PCDH15: variants seen among roughly 807,000 people sequenced by gnomAD.
PCDH15 encodes protocadherin related 15.
PCDH15 carries 129 observed loss-of-function variants against 178.5 expected under a neutral mutation model. That is an observed-to-expected ratio of 0.72 (90% confidence interval 0.63 to 0.84). PCDH15 has a LOEUF of 0.84. Among genes scored for constraint, PCDH15 ranks in the 40% least tolerant of loss-of-function variants. The pLI is 0.00. For missense variants in PCDH15, 2,230 were observed against 2,099.9 expected, an observed-to-expected ratio of 1.06 and a Z score of -1.21; for synonymous variants, 800 against 732.0, an observed-to-expected ratio of 1.09 and a Z score of -1.50.
intron 2 of PCDH15, among the ~76,000 whole-genome samples, chr10:54,906,672 A>G (rs960006035): frequency 5.9e-5 from 9 of 152,086 alleles, no homozygotes; most frequent in African/African-American, 2.2e-4. Flanking sequence ...TGGAGGAGAG[A>G]GAGTGCCCAA....
At chr10:54,369,064 A>G (rs543722696) in intron 5 of PCDH15, 56 bp downstream of exon 5, 71 of 1,557,156 alleles carry the variant, frequency 4.6e-5, no homozygotes, top group Non-Finnish European at 6.0e-5. Flanking sequence ...TTTATTGTAT[A>G]TAGTTAGATA....
intron 13 of PCDH15, among the ~76,000 whole-genome samples, chr10:54,180,929 C>T (rs1162613338): frequency 2.6e-5 from 4 of 152,080 alleles, no homozygotes; most frequent in Admixed American, 2.6e-4. Context: ...CAAAGAGATA[C>T]ATAAGGGAAA....
intron 3 of PCDH15, among the ~76,000 whole-genome samples, chr10:54,510,506 G>A (rs1695938431): frequency 6.6e-6 from 1 of 152,116 alleles, no homozygotes; most frequent in Non-Finnish European, 1.5e-5. Flanking sequence ...ACCATTTGTA[G>A]GAGATCAAGT....
intron 2 of PCDH15, among the ~76,000 whole-genome samples, chr10:55,539,751 A>G (rs1194312603): frequency 6.6e-6 from 1 of 152,154 alleles, no homozygotes; most frequent in Non-Finnish European, 1.5e-5. Flanking sequence ...ATTGTATTAA[A>G]AATGTATTTT....
rs564665870 is a variant in PCDH15 at position 54,360,977 on chromosome 10, T to C, written c.474+8143A>G. On this transcript the variant is annotated intron_variant, in intron 5 of 37. Coordinates refer to ENST00000644397, the MANE Select transcript of PCDH15 (RefSeq NM_001384140.1). ...TTCATTTTGTTTGGTTATACCACTA[T>C]GTTAACCATTTATTTTTCTTATTTC... Among the ~76,000 whole-genome samples, 15 of 152,284 alleles carry C rather than the reference T, an allele frequency of 9.9e-5. No individual in the cohort carries two copies. In the South Asian group the frequency reaches 3.1e-3, roughly 32 times the overall value.
intron 3 of PCDH15, among the ~76,000 whole-genome samples, chr10:54,860,554 G>A (rs769866640): frequency 2.6e-5 from 4 of 152,070 alleles, no homozygotes; most frequent in Non-Finnish European, 5.9e-5. Context: ...ATCCACCTCT[G>A]ATGGGCACCT....
intron 2 of PCDH15, among the ~76,000 whole-genome samples, chr10:54,657,035 A>G (rs193222280): frequency 3.3e-5 from 5 of 152,240 alleles, no homozygotes; most frequent in East Asian, 1.9e-4. Context: ...CTCCCCTTCT[A>G]TACAAAGAAA....
chr10:55,182,015 C>A (rs186859636), intron 1 of PCDH15, among the ~76,000 whole-genome samples: 1 of 151,896 alleles, frequency 6.6e-6, no homozygotes, highest in East Asian at 1.9e-4. Flanking sequence ...GGAGAAGATC[C>A]AGGGTTTCAA....
intron 1 of PCDH15, among the ~76,000 whole-genome samples, chr10:54,693,974 G>A (rs2095175957): frequency 6.6e-6 from 1 of 152,024 alleles, no homozygotes; most frequent in African/African-American, 2.4e-5. Flanking sequence ...ATCCAACTAG[G>A]CCTAGGTTTG....
chr10:55,362,690 A>G (rs1398494366), intron 2 of PCDH15, among the ~76,000 whole-genome samples: 1 of 152,000 alleles, frequency 6.6e-6, no homozygotes, highest in African/African-American at 2.4e-5. Flanking sequence ...GTTTAGGTCT[A>G]TGCGATTTTC....
At chr10:55,466,549 A>G (rs1388351341) in intron 2 of PCDH15, among the ~76,000 whole-genome samples, 3 of 152,204 alleles carry the variant, frequency 2.0e-5, no homozygotes, top group African/African-American at 2.4e-5. Flanking sequence ...GGAAATGTGT[A>G]AAATTTGTAA....
chr10:53,940,182 GCTAT>G (rs57910862), intron 24 of PCDH15, among the ~76,000 whole-genome samples: 10,928 of 152,006 alleles, frequency 0.072, 510 homozygotes, highest in Middle Eastern at 0.2. Flanking sequence ...AATATACTAG[GCTAT>G]CTAACATACC....
chr10:53,877,532 G>A (rs1378182305), intron 26 of PCDH15, among the ~76,000 whole-genome samples: 2 of 152,024 alleles, frequency 1.3e-5, no homozygotes, highest in Non-Finnish European at 2.9e-5. Context: ...AGCATTCAAA[G>A]CAAATTAAAT....
rs1368408872 is a variant in PCDH15, at chr10:53,831,551, T to C, written c.3984-18A>G. 6 of 1,526,098 alleles carry C rather than the reference T, an allele frequency of 3.9e-6. No homozygotes were observed. The African/African-American group carries it at 5.5e-5, about 14-fold the overall frequency. 94.5% of individuals were successfully genotyped at this position (1,526,098 alleles called of 1,614,324 possible). On this transcript the variant is annotated intron_variant, in intron 29 of 37. Coordinates refer to ENST00000644397, the MANE Select transcript of PCDH15 (RefSeq NM_001384140.1). Reference sequence around the variant, plus strand: ...CCAAAAATCTTTATTGTTAGATAAATAGTAAAATTAATGATGCTAGCAGAG... The same window carrying C: ...CCAAAAATCTTTATTGTTAGATAAACAGTAAAATTAATGATGCTAGCAGAG...
chr10:55,104,328 C>T (rs1033130978), intron 2 of PCDH15, among the ~76,000 whole-genome samples: 1 of 152,092 alleles, frequency 6.6e-6, no homozygotes, highest in Non-Finnish European at 1.5e-5. Context: ...GAAGCTGCTC[C>T]TCCTGTTATC....
At chr10:54,502,052 C>T (rs569209817) in intron 3 of PCDH15, among the ~76,000 whole-genome samples, 1 of 151,920 alleles carries the variant, frequency 6.6e-6, no homozygotes, top group Non-Finnish European at 1.5e-5. Flanking sequence ...CCCCTTTCCT[C>T]TCTTCCTCCT....
rs1409264746 is a variant in PCDH15 at position 55,531,706 on chromosome 10, TAA to T, written c.-156+95917_-156+95918del. The stretch of plus-strand genomic sequence containing the variant: ...GAATTGTTTCTGGCGAGTAATTGAA[TAA>T]CAGATGTTGTAGCCAAATTGCCAGA... On this transcript the variant is annotated intron_variant, in intron 2 of 5. Coordinates refer to the PCDH15 transcript ENST00000613346. 3.9e-5 allele frequency among the ~76,000 whole-genome samples: 6 copies of T among 152,168 alleles called. No homozygotes were observed. In the South Asian group the frequency reaches 1.2e-3, roughly 32 times the overall value.
At chr10:54,602,416 AC>A (rs1280241386) in intron 2 of PCDH15, among the ~76,000 whole-genome samples, 1 of 151,962 alleles carries the variant, frequency 6.6e-6, no homozygotes, top group Non-Finnish European at 1.5e-5. Context: ...TTCTGCCTAT[AC>A]ACCTATATGT....
At chr10:54,799,431 A>G (rs1452896937) in intron 1 of PCDH15, among the ~76,000 whole-genome samples, 2 of 152,106 alleles carry the variant, frequency 1.3e-5, no homozygotes, top group Admixed American at 1.3e-4. Flanking sequence ...CAGTGGGTAT[A>G]CCATATTTTT....
Sources: gnomAD v4.1 joint callset for allele counts (sites outside exome capture counted in the v4.1 genomes callset) on GRCh38, gnomAD v4.1.1 for gene constraint, MANE v1.5 for transcripts, NCBI Gene and HGNC (gene_info 2026-07-23, HGNC 2026-07-21) for gene names.